Variants in ZNF385D observed in about 807,000 individuals in gnomAD.
ZNF385D encodes the protein zinc finger protein 659.
ZNF385D carries 15 observed loss-of-function variants against 35.8 expected under a neutral mutation model. That is an observed-to-expected ratio of 0.42 (90% CI 0.28 to 0.64). ZNF385D has a LOEUF of 0.64. Among genes scored for constraint, ZNF385D ranks in the 30% least tolerant of loss-of-function variants. ZNF385D has a pLI of 0.23. For missense variants in ZNF385D, 474 were observed against 494.6 expected, an observed-to-expected ratio of 0.96 and a Z score of 0.39; for synonymous variants, 212 against 186.8, an observed-to-expected ratio of 1.13 and a Z score of -1.10.
chr3:21,991,702 T>G (rs745593464), intron 3 of ZNF385D, among the ~76,000 whole-genome samples: 24 of 152,166 alleles, frequency 1.6e-4, no homozygotes, highest in Non-Finnish European at 2.5e-4. Flanking sequence ...AGCTGCAGAA[T>G]GATTATCAGG....
intron 4 of ZNF385D, among the ~76,000 whole-genome samples, chr3:21,508,141 T>C (rs796715644): frequency 7.9e-5 from 12 of 152,152 alleles, no homozygotes; most frequent in African/African-American, 2.9e-4. Context: ...GACTTTACTA[T>C]CTCTTCTGCC....
At chr3:21,998,688 C>T (rs550440582) in intron 3 of ZNF385D, among the ~76,000 whole-genome samples, 1 of 152,210 alleles carries the variant, frequency 6.6e-6, no homozygotes, top group Non-Finnish European at 1.5e-5. Context: ...ACAAGAACAT[C>T]ACCTTTTAAA....
At chr3:22,223,723 C>T (rs1006602304) in intron 2 of ZNF385D, among the ~76,000 whole-genome samples, 10 of 152,128 alleles carry the variant, frequency 6.6e-5, no homozygotes, top group South Asian at 6.2e-4. Flanking sequence ...TGTCCAACAA[C>T]GTGTCAAGAG....
intron 2 of ZNF385D, among the ~76,000 whole-genome samples, chr3:22,249,472 G>A (rs1420162578): frequency 6.6e-6 from 1 of 152,010 alleles, no homozygotes; most frequent in African/African-American, 2.4e-5. Context: ...TATTCTCCCT[G>A]TCATTATTCC....
chr3:21,685,392 C>G (rs142264704), intron 1 of ZNF385D, among the ~76,000 whole-genome samples: 1 of 152,142 alleles, frequency 6.6e-6, no homozygotes, highest in Admixed American at 6.5e-5. Context: ...GAATATGGTA[C>G]AGCCTAAGAG....
chr3:22,242,522 A>G (rs1337335422), intron 2 of ZNF385D, among the ~76,000 whole-genome samples: 1 of 149,490 alleles, frequency 6.7e-6, no homozygotes, highest in Non-Finnish European at 1.5e-5. Context: ...TAATTATGAG[A>G]AAAAAAAACT....
At chr3:21,518,118 A>C (rs1350172742) in intron 3 of ZNF385D, among the ~76,000 whole-genome samples, 1 of 152,178 alleles carries the variant, frequency 6.6e-6, no homozygotes, top group Non-Finnish European at 1.5e-5. Flanking sequence ...TTCTTTTGGC[A>C]CTTCTTGCTG....
rs73820167 is a variant in ZNF385D at position 21,879,008 on chromosome 3, G to C, written c.326-213980C>G. Among the ~76,000 whole-genome samples, 572 of 152,082 alleles carry C rather than the reference G, an allele frequency of 3.8e-3. 2 individuals are homozygous for C. The highest frequency in any genetic ancestry group is 0.013 in the African/African-American group (543 of 41,538). On this transcript the variant is annotated intron_variant, in intron 3 of 5. Coordinates refer to the ZNF385D transcript ENST00000494108. ...AGGACAGAACTTGCTGCCAACAGTA[G>C]TTCTCTTGTGATACACTACCAGAAA...
chr3:22,008,360 C>CATTTTTTTTTTTTTTTTTTTTTT lies in ZNF385D; in HGVS notation c.325+160456_325+160457insAAAAAAAAAAAAAAAAAAAAAAT, dbSNP rs773952386. Among the ~76,000 whole-genome samples, 2 of 131,938 alleles carry CATTTTTTTTTTTTTTTTTTTTTT rather than the reference C, an allele frequency of 1.5e-5. 1 individual carries two copies. The highest frequency in any genetic ancestry group is 3.1e-5 in the Non-Finnish European group (2 of 63,770). The allele number at this position is 131,938 out of a possible 152,430, so 86.6% of individuals were successfully genotyped here. On this transcript the variant is annotated intron_variant, in intron 3 of 5. Coordinates refer to the ZNF385D transcript ENST00000494108. ...TCACTTTCATACAGGCCATGATTTT[C>CATTTTTTTTTTTTTTTTTTTTTT]TTTTTTTTTTTTGAGGCGGAGTCTC...
intron 3 of ZNF385D, 65 bp from the exon 4 acceptor site, chr3:21,511,088 A>G (rs1012512471): frequency 1.3e-6 from 2 of 1,572,354 alleles, no homozygotes; most frequent in East Asian, 2.3e-5. Flanking sequence ...TCTCTGTATT[A>G]CTGCAAATAC....
chr3:21,823,742 T>C (rs2670259), intron 3 of ZNF385D, among the ~76,000 whole-genome samples: 40,853 of 151,992 alleles, frequency 0.27, 5,701 homozygotes, highest in African/African-American at 0.33. Flanking sequence ...GAATACACAG[T>C]AAATGCAAAT....
rs777030208 is a variant in ZNF385D at position 21,929,804 on chromosome 3, TC to T, written c.325+239012del. Among the ~76,000 whole-genome samples the T allele has an allele frequency of 4.9e-4, 75 of 152,008 alleles. 1 individual carries two copies. Among genetic ancestry groups the T allele is most frequent in the Admixed American group, 4.9e-3 (75 of 15,246 alleles). ...AAATAATACTGTAAGAAATTAAAGA[TC>T]TAAATAAATAGGGAGACATTCTGCG... is the stretch of plus-strand genomic sequence containing the variant. On this transcript the variant is annotated intron_variant, in intron 3 of 5. Transcript: ENST00000494108.
At chr3:21,711,657 A>G (rs1396060273) in intron 1 of ZNF385D, among the ~76,000 whole-genome samples, 1 of 152,210 alleles carries the variant, frequency 6.6e-6, no homozygotes, top group Non-Finnish European at 1.5e-5. Context: ...GCCTCTTCAA[A>G]TTTTAAAATG....
chr3:21,696,831 G>A lies in ZNF385D; in HGVS notation c.23-31803C>T, dbSNP rs538863157. ...GAGCATACAATTACTGGGACCTGAA[G>A]GGAGCAAGCACATTACCTCTGAATT... On this transcript the variant is annotated intron_variant, in intron 1 of 7. Transcript: ENST00000281523. Among the ~76,000 whole-genome samples, 633 of 152,302 alleles carry A rather than the reference G, an allele frequency of 4.2e-3. 1 individual carries two copies. Among genetic ancestry groups the A allele is most frequent in the Non-Finnish European group, 7.7e-3 (526 of 68,026 alleles).
chr3:21,928,207 G>A (rs1461959181), intron 3 of ZNF385D, among the ~76,000 whole-genome samples: 1 of 151,350 alleles, frequency 6.6e-6, no homozygotes, highest in Non-Finnish European at 1.5e-5. Flanking sequence ...AAGAGCATAG[G>A]AAGGAAAGAA....
chr3:21,649,238 G>A (rs185192125), intron 2 of ZNF385D, among the ~76,000 whole-genome samples: 1 of 152,160 alleles, frequency 6.6e-6, no homozygotes, highest in African/African-American at 2.4e-5. Context: ...TAACTTAAAA[G>A]TATGTGCACA....
chr3:21,951,294 T>G (rs191761965), intron 3 of ZNF385D, among the ~76,000 whole-genome samples: 2 of 151,746 alleles, frequency 1.3e-5, no homozygotes, highest in Admixed American at 1.3e-4. Flanking sequence ...AGGTGTTTTA[T>G]TCTCTTTGTA....
At chr3:21,751,811 T>C (rs985288865), upstream of ZNF385D, among the ~76,000 whole-genome samples, 6 of 152,128 alleles carry the variant, frequency 3.9e-5, no homozygotes, top group Non-Finnish European at 8.8e-5. Context: ...GAAAAATAAC[T>C]GGTGATAAAA....
At chr3:21,771,643 A>C (rs545223997) in intron 3 of ZNF385D, among the ~76,000 whole-genome samples, 1 of 151,940 alleles carries the variant, frequency 6.6e-6, no homozygotes, top group Admixed American at 6.6e-5. Flanking sequence ...TAGAGATAGC[A>C]AGAAGAGCCA....
Sources: allele counts gnomAD v4.1 joint callset (sites outside exome capture counted in the v4.1 genomes callset), GRCh38; gene constraint gnomAD v4.1.1; transcripts MANE v1.5; gene names NCBI Gene and HGNC (gene_info 2026-07-23, HGNC 2026-07-21).